The following MAN2C1 variants were observed in gnomAD, a reference collection of about 807,000 sequenced individuals.
MAN2C1 encodes mannosidase alpha class 2C member 1, also known as alpha-mannosidase 2C1.
In MAN2C1, 111 loss-of-function variants were observed where a neutral mutation model predicts 126.9. That is an observed-to-expected ratio of 0.87 (90% CI 0.75 to 1.02). The LOEUF (loss-of-function observed/expected upper bound fraction) is 1.02. Among genes scored for constraint, MAN2C1 ranks in the 50% least tolerant of loss-of-function variants. The pLI is 0.00. For missense variants in MAN2C1, 1,363 were observed against 1,364.4 expected, an observed-to-expected ratio of 1.00 and a Z score of 0.02; for synonymous variants, 567 against 561.5, an observed-to-expected ratio of 1.01 and a Z score of -0.14.
chr15:75,356,976 C>A lies in MAN2C1; in HGVS notation c.2548-74G>T. 1 of 1,245,280 alleles carries A rather than the reference C, an allele frequency of 8.0e-7. No individual in the cohort carries two copies. The highest frequency in any genetic ancestry group is 1.3e-5 in the South Asian group (1 of 79,942). 77.1% of individuals were successfully genotyped at this position (1,245,280 alleles called of 1,614,324 possible). A position where few individuals can be genotyped will look rare whatever the true frequency, so the allele number is the denominator to read the frequency against. On this transcript the variant is annotated intron_variant, in intron 21 of 25. Transcript: ENST00000267978. This position sits in a 1 kb window ranked among gnomAD's most constrained non-coding sequence, Gnocchi z 5.8. ...TGCTCCCAGACTCCAGAGCTCCTGT[C>A]ACTAGGCCGAGCACAAGCTCTAGAA... is the stretch of plus-strand genomic sequence containing the variant.
intron 21 of MAN2C1, 97 bp downstream of exon 21, chr15:75,358,104 A>C: frequency 6.8e-7 from 1 of 1,460,034 alleles, no homozygotes; most frequent in Admixed American, 1.7e-5. Flanking sequence ...GGAAGCAGCA[A>C]ATGTTGATTA....
intron 14 of MAN2C1, 46 bp downstream of exon 14, chr15:75,360,044 C>A (rs1430976721): frequency 6.2e-7 from 1 of 1,614,058 alleles, no homozygotes. Context: ...ACAGAGGTAA[C>A]TGCAGTGAGC....
At position 75,359,894 on chromosome 15, in the gene MAN2C1, G is replaced by A. The variant is rs1228609339; in HGVS notation, c.1792+9C>T. ...TGGAGAGAGCAGGCAGGACTATTGT[G>A]AGCCTAACCTTCATAATGGCACATG... On this transcript the variant is annotated intron_variant, in intron 15 of 25. Transcript: ENST00000267978. The A allele has an allele frequency of 6.2e-7, 1 of 1,611,906 alleles. No individual in the cohort carries two copies. Among genetic ancestry groups the A allele is most frequent in the Non-Finnish European group, 8.5e-7 (1 of 1,178,886 alleles).
Position 75,362,018 on chromosome 15 carries a change from C to T in MAN2C1, c.1009-71G>A. ...GGGAGCAGGCAGGCGCTCAGGCCAACCCAATCCCTGCAGGAGAAGCCAGGG... is the reference window on the plus strand; with the variant it reads ...GGGAGCAGGCAGGCGCTCAGGCCAATCCAATCCCTGCAGGAGAAGCCAGGG... On this transcript the variant is annotated intron_variant, in intron 8 of 25. Transcript: ENST00000267978. This position sits in a 1 kb window ranked among gnomAD's most constrained non-coding sequence, Gnocchi z 4.5. The T allele has an allele frequency of 1.7e-6, 2 of 1,170,046 alleles. No individual in the cohort carries two copies. The highest frequency in any genetic ancestry group is 2.6e-6 in the Non-Finnish European group (2 of 780,806). The allele number at this position is 1,170,046 out of a possible 1,614,324, so 72.5% of individuals were successfully genotyped here. A position where few individuals can be genotyped will look rare whatever the true frequency, so the allele number is the denominator to read the frequency against.
At chr15:75,359,307 C>T (rs768982582) in intron 17 of MAN2C1, 21 bp downstream of exon 17, 1 of 1,576,072 alleles carries the variant, frequency 6.3e-7, no homozygotes, top group African/African-American at 1.3e-5. Context: ...GTTCCTGCCC[C>T]CCAGGGCATG....
In MAN2C1 at chr15:75,355,830, T is replaced by C. The variant is rs1181598031; in HGVS notation, c.*76A>G. ...GATTTATTCCACAAGAAAAGACTGA[T>C]CCCTGCTTTAGGCTGGGGAAGCAGA... On this transcript the variant is annotated 3_prime_UTR_variant, in exon 26 of 26. Coordinates refer to ENST00000267978, the MANE Select transcript of MAN2C1 (RefSeq NM_006715.4). 1.3e-6 allele frequency: 2 copies of C among 1,558,342 alleles called. No homozygotes were observed. Among genetic ancestry groups the C allele is most frequent in the African/African-American group, 2.7e-5 (2 of 72,906 alleles).
chr15:75,364,381 C>G, intron 5 of MAN2C1, 107 bp downstream of exon 5: 2 of 1,354,106 alleles, frequency 1.5e-6, no homozygotes, highest in South Asian at 3.0e-5. Context: ...AGGTGGAAAC[C>G]CTCGTCCTAC....
In MAN2C1 at chr15:75,356,923, C is replaced by T. The variant is rs746065621; in HGVS notation, c.2548-21G>A. 6.3e-7 allele frequency: 1 copy of T among 1,599,356 alleles called. No homozygotes were observed. Among genetic ancestry groups the T allele is most frequent in the East Asian group, 2.2e-5 (1 of 44,762 alleles). The stretch of plus-strand genomic sequence containing the variant: ...CACACCTGGAGGGCAGATCCAAGAC[C>T]CACTTGGTGGCCCTGTGCCCCTCTT... On this transcript the variant is annotated intron_variant, in intron 21 of 25. Transcript: ENST00000267978. This position sits in a 1 kb window ranked among gnomAD's most constrained non-coding sequence, Gnocchi z 5.8.
chr15:75,359,313 G>A lies in MAN2C1; in HGVS notation c.2046+15C>T, dbSNP rs1273486023. The A allele has an allele frequency of 3.8e-6, 6 of 1,579,142 alleles. No individual in the cohort carries two copies. In the East Asian group the frequency reaches 6.7e-5, roughly 18 times the overall value. On this transcript the variant is annotated intron_variant, in intron 17 of 25. Transcript: ENST00000267978. ...CCCAGCACAGTTCCTGCCCCCCAGG[G>A]CATGCAGGACTCACCTCTTGCACTA...
rs2141338265 is a variant in MAN2C1, at chr15:75,364,797, CCA to C, written c.423-134_423-133del. The C allele has an allele frequency of 5.6e-6, 4 of 711,598 alleles. No individual in the cohort carries two copies. In the Admixed American group the frequency reaches 1.0e-4, roughly 18 times the overall value. The allele number at this position is 711,598 out of a possible 1,614,324, so 44.1% of individuals were successfully genotyped here. A position where few individuals can be genotyped will look rare whatever the true frequency, so the allele number is the denominator to read the frequency against. ...TCCAGGATCCACTACCCAGAGGATC[CCA>C]CAGTGTGACAAGAGTGCATGTGGGA... is the stretch of plus-strand genomic sequence containing the variant. On this transcript the variant is annotated intron_variant, in intron 4 of 25. Transcript: ENST00000267978.
intron 4 of MAN2C1, among the ~76,000 whole-genome samples, chr15:75,364,996 G>C (rs1018519621): frequency 6.6e-6 from 1 of 152,142 alleles, no homozygotes; most frequent in African/African-American, 2.4e-5. Flanking sequence ...AATCATGTTC[G>C]GATCTCCCAG....
At position 75,355,802 on chromosome 15, in the gene MAN2C1, A is replaced by G; in HGVS notation, c.*104T>C. ...GACTGAGCAGCAGGGTTCCCGATCC[A>G]AGGATTTATTCCACAAGAAAAGACT... On this transcript the variant is annotated 3_prime_UTR_variant, in exon 26 of 26. Coordinates refer to ENST00000267978, the MANE Select transcript of MAN2C1 (RefSeq NM_006715.4). 3.0e-6 allele frequency: 4 copies of G among 1,312,498 alleles called. No homozygotes were observed. Among genetic ancestry groups the G allele is most frequent in the Non-Finnish European group, 4.1e-6 (4 of 971,764 alleles). 81.3% of individuals were successfully genotyped at this position (1,312,498 alleles called of 1,614,324 possible). A position where few individuals can be genotyped will look rare whatever the true frequency, so the allele number is the denominator to read the frequency against.
Position 75,359,379 on chromosome 15 carries a change from G to T in MAN2C1, c.1995C>A (p.Pro665=), listed in dbSNP as rs749256404. The T allele has an allele frequency of 2.2e-5, 36 of 1,606,740 alleles. No homozygotes were observed. The highest frequency in any genetic ancestry group is 1.4e-5 in the Non-Finnish European group (17 of 1,177,104). Residue 665 remains proline (P), a synonymous_variant, in exon 17 of 26, where the codon CCC becomes CCA. Transcript: ENST00000267978. ...PSMGYAPVPP[P]TSLQPLLPQQ... is the part of the protein sequence containing the mutation. ...GGGGCAGCAGGGGCTGCAGTGAGGTGGGGGGAGGAACAGGAGCATAGCCCA... is the reference window on the plus strand; with the variant it reads ...GGGGCAGCAGGGGCTGCAGTGAGGTTGGGGGAGGAACAGGAGCATAGCCCA...
At chr15:75,365,699 C>A in intron 4 of MAN2C1, 2 of 207,598 alleles carry the variant, frequency 9.6e-6, no homozygotes, top group South Asian at 5.4e-5. Context: ...GCACTCCAGC[C>A]TGGGTAACAA....
At chr15:75,360,729 C>T (rs753883536) in intron 12 of MAN2C1, 41 bp from the exon 13 acceptor site, 3 of 1,604,446 alleles carry the variant, frequency 1.9e-6, no homozygotes, top group Admixed American at 1.7e-5. Flanking sequence ...CCTTGGAGAC[C>T]ACATGGCTCA....
intron 18 of MAN2C1, 63 bp downstream of exon 18, chr15:75,358,994 GGA>G: frequency 6.3e-7 from 1 of 1,597,890 alleles, no homozygotes. Flanking sequence ...TGTGGCAAGG[GGA>G]GAGAGGAAAT....
At position 75,356,549 on chromosome 15, in the gene MAN2C1, G is replaced by A. The variant is rs2141323060; in HGVS notation, c.2737+57C>T. On this transcript the variant is annotated intron_variant, in intron 23 of 25. Transcript: ENST00000267978. The surrounding 1 kb of genome is among the most constrained non-coding windows in gnomAD (Gnocchi z 5.8). ...CCAGGTTGCTGGGGTTTGGGCTCAG[G>A]GAAGGGCAGAGAGGTGTCTAGGGCT... is the stretch of plus-strand genomic sequence containing the variant. 2 of 1,550,494 alleles carry A rather than the reference G, an allele frequency of 1.3e-6. No homozygotes were observed. The highest frequency in any genetic ancestry group is 1.7e-6 in the Non-Finnish European group (2 of 1,145,636).
rs1474373245 is a variant in MAN2C1, at chr15:75,364,565, G to A, written c.523C>T (p.Arg175Trp). ...PDPEKMFQLSRAELAVFHRDV... is the reference protein window; with the variant it reads ...PDPEKMFQLSWAELAVFHRDV... ...CGGTGGAACACAGCTAGCTCAGCCC[G>A]GCTCAGCTGGAACATCTTCTCAGGG... The change falls in exon 5 of 26, where the codon CGG becomes TGG. Residue 175 changes from arginine (R) to tryptophan (W), a missense_variant. Physicochemically the swap from Arg to Trp is moderately radical, Grantham distance 101. Around this residue, in one of 3 missense-constraint regions of MAN2C1, gnomAD observed 628 missense variants for 609.8 expected, o/e 1.03. Coordinates refer to ENST00000267978, the MANE Select transcript of MAN2C1 (RefSeq NM_006715.4). 12 of 1,612,052 alleles carry A rather than the reference G, an allele frequency of 7.4e-6. No homozygotes were observed. The highest frequency in any genetic ancestry group is 2.2e-5 in the East Asian group (1 of 44,812).
At position 75,355,966 on chromosome 15, in the gene MAN2C1, G is replaced by A. The variant is rs778267823; in HGVS notation, c.3063C>T (p.Leu1021=). 6.8e-6 allele frequency: 11 copies of A among 1,614,094 alleles called. No individual in the cohort carries two copies. The Admixed American group carries it at 1.0e-4, about 15-fold the overall frequency. Residue 1021 remains leucine, a synonymous_variant, in exon 26 of 26, where the codon CTC becomes CTT. Transcript: ENST00000267978. ...HLTLRDNRLK[L]TFSPFQVLSL... ...ACAGCACTTGGAAGGGAGAAAAGGT[G>A]AGCTTCAGGCGGTTGTCCCGAAGGG...
Sources: gnomAD v4.1 joint callset for allele counts (sites outside exome capture counted in the v4.1 genomes callset) on GRCh38, gnomAD v4.1.1 for gene constraint, gnomAD v4.1.1 regional missense constraint, Gnocchi (gnomAD v3.1) non-coding constraint, MANE v1.5 for transcripts, NCBI Gene and HGNC (gene_info 2026-07-23, HGNC 2026-07-21) for gene names.